GSK3B: variants seen among roughly 807,000 people sequenced by gnomAD.
The protein encoded by GSK3B is glycogen synthase kinase-3 beta.
In GSK3B, 15 loss-of-function variants were observed where a neutral mutation model predicts 56.4. The ratio of observed to expected loss-of-function variants is 0.27; its 90% confidence interval spans 0.18 to 0.41. The LOEUF (loss-of-function observed/expected upper bound fraction) is 0.41. GSK3B is among the 10% of genes least tolerant of loss of function. The pLI is 1.00. For missense variants in GSK3B, 300 were observed against 513.4 expected, an observed-to-expected ratio of 0.58 and a Z score of 4.02; for synonymous variants, 181 against 188.9, an observed-to-expected ratio of 0.96 and a Z score of 0.34.
At chr3:119,843,181 C>T in intron 10 of GSK3B, 74 bp downstream of exon 10, 1 of 874,640 alleles carries the variant, frequency 1.1e-6, no homozygotes, top group Non-Finnish European at 1.8e-6. Flanking sequence ...TCCCAAAGTG[C>T]TGGGATTACA....
At chr3:120,059,758 A>T (rs1264365348) in intron 1 of GSK3B, among the ~76,000 whole-genome samples, 3 of 152,222 alleles carry the variant, frequency 2.0e-5, no homozygotes, top group Non-Finnish European at 4.4e-5. Context: ...GCAATACTTA[A>T]TAAGCACCTA....
intron 1 of GSK3B, among the ~76,000 whole-genome samples, chr3:120,069,504 T>C (rs2058309020): frequency 6.6e-6 from 1 of 152,204 alleles, no homozygotes; most frequent in Non-Finnish European, 1.5e-5. Context: ...TGAATACAGC[T>C]GTGGACAACC....
At chr3:119,873,356 G>A (rs994831023) in intron 8 of GSK3B, among the ~76,000 whole-genome samples, 5 of 150,360 alleles carry the variant, frequency 3.3e-5, no homozygotes, top group African/African-American at 9.8e-5. Context: ...AGAACACCAG[G>A]TCCCAATCTT....
intron 1 of GSK3B, among the ~76,000 whole-genome samples, chr3:120,072,286 G>A (rs533664980): frequency 2.0e-5 from 3 of 152,156 alleles, no homozygotes; most frequent in Non-Finnish European, 2.9e-5. Flanking sequence ...GGCCGGGCAC[G>A]GTAGCTTACG....
intron 9 of GSK3B, among the ~76,000 whole-genome samples, chr3:119,844,084 A>C (rs1427771045): frequency 6.6e-6 from 1 of 152,230 alleles, no homozygotes; most frequent in Non-Finnish European, 1.5e-5. Context: ...CTGGGTAAAT[A>C]ACGAAATTAA....
At chr3:119,971,601 ATTTTTTT>A (rs751790636) in intron 2 of GSK3B, among the ~76,000 whole-genome samples, 24 of 83,856 alleles carry the variant, frequency 2.9e-4, no homozygotes, top group African/African-American at 6.4e-4. Context: ...ATTTGCAATA[ATTTTTTT>A]TTTTTTTTTT....
chr3:120,034,632 A>G (rs1049310427), intron 1 of GSK3B, among the ~76,000 whole-genome samples: 8 of 152,312 alleles, frequency 5.3e-5, no homozygotes, highest in African/African-American at 1.9e-4. Context: ...AAATTGAGAA[A>G]TGTGATTCCT....
At chr3:120,068,451 A>G (rs2058299086) in intron 1 of GSK3B, among the ~76,000 whole-genome samples, 1 of 151,116 alleles carries the variant, frequency 6.6e-6, no homozygotes, top group African/African-American at 2.4e-5. Context: ...CTGTATTCCC[A>G]GCACTCTGGG....
intron 7 of GSK3B, among the ~76,000 whole-genome samples, chr3:119,881,776 T>C (rs1002259410): frequency 2.0e-5 from 3 of 152,184 alleles, no homozygotes; most frequent in Admixed American, 6.5e-5. Context: ...AGCTCCCCTA[T>C]TTCCCTCATG....
chr3:120,077,222 C>T (rs76224378), intron 1 of GSK3B, among the ~76,000 whole-genome samples: 3,938 of 152,230 alleles, frequency 0.026, 172 homozygotes, highest in African/African-American at 0.089. Context: ...TGCATTCCCA[C>T]GTTCACTACA....
chr3:120,030,908 T>G (rs567403815), intron 1 of GSK3B, among the ~76,000 whole-genome samples: 7 of 152,272 alleles, frequency 4.6e-5, no homozygotes, highest in Non-Finnish European at 8.8e-5. Flanking sequence ...ACCACATAGC[T>G]AACAAATGGA....
At chr3:120,076,207 C>T (rs1375724818) in intron 1 of GSK3B, among the ~76,000 whole-genome samples, 1 of 152,126 alleles carries the variant, frequency 6.6e-6, no homozygotes, top group East Asian at 1.9e-4. Context: ...CAAAAACCAA[C>T]TCAAAATGGA....
At chr3:119,901,937 G>C (rs1221996897) in intron 7 of GSK3B, among the ~76,000 whole-genome samples, 2 of 151,938 alleles carry the variant, frequency 1.3e-5, no homozygotes, top group Non-Finnish European at 2.9e-5. Context: ...CATTTTTCCA[G>C]GGTTAGTTTC....
At chr3:119,943,352 A>G (rs1197238114) in intron 3 of GSK3B, among the ~76,000 whole-genome samples, 2 of 152,200 alleles carry the variant, frequency 1.3e-5, no homozygotes, top group East Asian at 3.8e-4. Flanking sequence ...GTGGGAATAG[A>G]TAAAATATTA....
chr3:119,831,140 T>A (rs1468790209), intron 10 of GSK3B, among the ~76,000 whole-genome samples: 1 of 151,982 alleles, frequency 6.6e-6, no homozygotes, highest in Non-Finnish European at 1.5e-5. Flanking sequence ...CACAAATAGA[T>A]TAAGGAATGT....
At chr3:119,994,647 G>C (rs1400600796) in intron 2 of GSK3B, among the ~76,000 whole-genome samples, 2 of 152,078 alleles carry the variant, frequency 1.3e-5, no homozygotes, top group African/African-American at 4.8e-5. Context: ...TCATTTCAAT[G>C]ACATTCTTTC....
intron 3 of GSK3B, among the ~76,000 whole-genome samples, chr3:119,932,343 T>C (rs1282608781): frequency 1.3e-5 from 2 of 152,160 alleles, no homozygotes; most frequent in African/African-American, 4.8e-5. Flanking sequence ...AATATAGTAC[T>C]AATAGTAAAG....
At chr3:119,830,028 C>T (rs2107996822) in intron 10 of GSK3B, among the ~76,000 whole-genome samples, 1 of 152,254 alleles carries the variant, frequency 6.6e-6, no homozygotes, top group African/African-American at 2.4e-5. Context: ...ACAGAGTTCT[C>T]TTTTTCAGAG....
chr3:120,027,675 T>C (rs1190404218), intron 1 of GSK3B, among the ~76,000 whole-genome samples: 2 of 152,162 alleles, frequency 1.3e-5, no homozygotes, highest in African/African-American at 4.8e-5. Context: ...ATTCATGACA[T>C]AAGATTACAT....
Sources: gnomAD v4.1 joint callset for allele counts (sites outside exome capture counted in the v4.1 genomes callset) on GRCh38, gnomAD v4.1.1 for gene constraint, MANE v1.5 for transcripts, NCBI Gene and HGNC (gene_info 2026-07-23, HGNC 2026-07-21) for gene names.